Variants in TMEM127 observed in about 807,000 individuals in gnomAD.
TMEM127 encodes the protein transmembrane protein 127.
A neutral mutation model predicts 20.1 loss-of-function variants in TMEM127; 21 were observed. The ratio of observed to expected loss-of-function variants is 1.04; its 90% CI spans 0.74 to 1.50. The LOEUF (loss-of-function observed/expected upper bound fraction) is 1.50, where lower values mean the gene tolerates loss of function less well. TMEM127 is among the 40% of genes most tolerant of loss of function. The pLI is 0.00. For missense variants in TMEM127, 303 were observed against 317.4 expected (o/e 0.95, Z 0.34); for synonymous variants, 150 against 144.7 (o/e 1.04, Z -0.26).
At position 96,250,530 on chromosome 2, in the gene TMEM127, G is replaced by C. The variant is rs1363564692; in HGVS notation, c.*3278C>G. On this transcript the variant is annotated 3_prime_UTR_variant, in exon 4 of 4. Transcript: ENST00000258439. ...CACTGTATATTTCATGGTGCCTAAT[G>C]GTGCTTTGTCTGAATGGACATGAAA... is the stretch of plus-strand genomic sequence containing the variant. The C allele has an allele frequency of 4.3e-6, 1 of 232,730 alleles. No individual in the cohort carries two copies. Among genetic ancestry groups the C allele is most frequent in the Non-Finnish European group, 8.5e-6 (1 of 117,806 alleles). The allele number at this position is 232,730 out of a possible 1,614,324, so 14.4% of individuals were successfully genotyped here. A position where few individuals can be genotyped will look rare whatever the true frequency, so the allele number is the denominator to read the frequency against.
In TMEM127 at chr2:96,251,610, G is replaced by A. The variant is rs889486086; in HGVS notation, c.*2198C>T. 1.1e-4 allele frequency: 25 copies of A among 232,796 alleles called. No homozygotes were observed. The highest frequency in any genetic ancestry group is 1.8e-4 in the South Asian group (1 of 5,514). The allele number at this position is 232,796 out of a possible 1,614,324, so 14.4% of individuals were successfully genotyped here. A position where few individuals can be genotyped will look rare whatever the true frequency, so the allele number is the denominator to read the frequency against. On this transcript the variant is annotated 3_prime_UTR_variant, in exon 4 of 4. Transcript: ENST00000258439. ...GGGAACAAACCAAATCAGGAAAATC[G>A]TGACAGAAAAATGACAGGCAGCCAT...
At position 96,265,411 on chromosome 2, in the gene TMEM127, T is replaced by G; in HGVS notation, c.-30A>C. ...GGGGCCGCCCGCCGTCGCTCCGCAG[T>G]CGCTGCTGGTCGCCGCCGACCTCCG... On this transcript the variant is annotated 5_prime_UTR_variant, in exon 2 of 4. Transcript: ENST00000258439. 1 of 1,340,564 alleles carries G rather than the reference T, an allele frequency of 7.5e-7. No homozygotes were observed. Among genetic ancestry groups the G allele is most frequent in the Non-Finnish European group, 9.5e-7 (1 of 1,051,448 alleles). The allele number at this position is 1,340,564 out of a possible 1,614,324, so 83.0% of individuals were successfully genotyped here. A position where few individuals can be genotyped will look rare whatever the true frequency, so the allele number is the denominator to read the frequency against.
chr2:96,253,877 C>A lies in TMEM127; in HGVS notation c.648G>T (p.Glu216Asp), dbSNP rs1278734377. Residue 216 changes from glutamate to aspartate, a missense_variant, in exon 4 of 4, where the codon GAG becomes GAT. Glu to Asp is a conservative substitution (Grantham distance 45). Transcript: ENST00000258439. The surrounding 1 kb of genome is among the most constrained non-coding windows in gnomAD (Gnocchi z 4.3). The stretch of plus-strand genomic sequence containing the variant: ...CATATTCCGCCGGGTAGGGCTCGTT[C>A]TCTTCCATCTCTGAGAGCAGCTCCA... ...QALELLSEME[E>D]NEPYPAEYEV... 1 of 1,614,142 alleles carries A rather than the reference C, an allele frequency of 6.2e-7. No individual in the cohort carries two copies. Among genetic ancestry groups the A allele is most frequent in the East Asian group, 2.2e-5 (1 of 44,864 alleles).
At chr2:96,259,129 G>A (rs1353310655) in intron 2 of TMEM127, among the ~76,000 whole-genome samples, 2 of 152,184 alleles carry the variant, frequency 1.3e-5, no homozygotes, top group South Asian at 2.1e-4. Flanking sequence ...CTCCCCTTGC[G>A]GATGTCCACC....
chr2:96,264,767 C>T (rs1684379475), intron 2 of TMEM127, among the ~76,000 whole-genome samples: 1 of 152,204 alleles, frequency 6.6e-6, no homozygotes, highest in African/African-American at 2.4e-5. Context: ...ATTAAAAGTT[C>T]CTTTTTCTCC....
At chr2:96,262,404 C>T (rs368657111) in intron 2 of TMEM127, among the ~76,000 whole-genome samples, 42 of 152,114 alleles carry the variant, frequency 2.8e-4, no homozygotes, top group African/African-American at 9.7e-4. Context: ...CAGGATACTA[C>T]ATGTCTGAAG....
In TMEM127 at chr2:96,265,324, C is replaced by T. The variant is rs1343615968; in HGVS notation, c.58G>A (p.Gly20Ser). The T allele has an allele frequency of 6.6e-7, 1 of 1,523,884 alleles. No homozygotes were observed. Among genetic ancestry groups the T allele is most frequent in the African/African-American group, 1.4e-5 (1 of 72,160 alleles). 94.4% of individuals were successfully genotyped at this position (1,523,884 alleles called of 1,614,324 possible). A position where few individuals can be genotyped will look rare whatever the true frequency, so the allele number is the denominator to read the frequency against. ...TCCGGCTGCTTGGGCAGAGCGCTGC[C>T]TCCCGGGCTCCTCCGCCGGCGCCCG... is the stretch of plus-strand genomic sequence containing the variant. ...PGGRRRRSPG[G>S]SALPKQPERS... The change falls in exon 2 of 4, where the codon GGC becomes AGC. Residue 20 changes from glycine to serine, a missense_variant. By Grantham distance (56) the Gly-to-Ser change is moderately conservative. Coordinates refer to ENST00000258439, the MANE Select transcript of TMEM127 (RefSeq NM_017849.4).
rs1684043956 is a variant in TMEM127 at position 96,249,485 on chromosome 2, G to A, written c.*4323C>T. On this transcript the variant is annotated 3_prime_UTR_variant, in exon 4 of 4. Transcript: ENST00000258439. ...TCAAAACGACATTTTCAGGCTTGGT[G>A]CAGTGGCTCAAGCCTGTAATCCCAA... 1 of 226,144 alleles carries A rather than the reference G, an allele frequency of 4.4e-6. No individual in the cohort carries two copies. Among genetic ancestry groups the A allele is most frequent in the Non-Finnish European group, 8.8e-6 (1 of 113,686 alleles). 14.0% of individuals were successfully genotyped at this position (226,144 alleles called of 1,614,324 possible). A position where few individuals can be genotyped will look rare whatever the true frequency, so the allele number is the denominator to read the frequency against.
rs566463841 is a variant in TMEM127, at chr2:96,255,118, C to T, written c.245-121G>A. 360 of 1,396,004 alleles carry T rather than the reference C, an allele frequency of 2.6e-4. 1 individual carries two copies. Among genetic ancestry groups the T allele is most frequent in the Admixed American group, 2.2e-3 (113 of 50,982 alleles). 86.5% of individuals were successfully genotyped at this position (1,396,004 alleles called of 1,614,324 possible). ...TGGGAGCCAGGGCAGTTCTGGAGGA[C>T]GCTGTCTTAGCCCCTGCTCCTGGGT... On this transcript the variant is annotated intron_variant, in intron 2 of 3. Transcript: ENST00000258439.
At chr2:96,264,104 C>T (rs1050196206) in intron 2 of TMEM127, among the ~76,000 whole-genome samples, 1 of 152,212 alleles carries the variant, frequency 6.6e-6, no homozygotes, top group Non-Finnish European at 1.5e-5. Context: ...TAAGAGAACA[C>T]TCAGAGAAAG....
chr2:96,254,930 G>C lies in TMEM127; in HGVS notation c.312C>G (p.Ile104Met), dbSNP rs2104287512. 1.2e-6 allele frequency: 2 copies of C among 1,614,240 alleles called. No homozygotes were observed. The highest frequency in any genetic ancestry group is 8.5e-7 in the Non-Finnish European group (1 of 1,180,042). Reference sequence around the variant, plus strand: ...GAAGGAAAGCGGAGAGACTACACAGGATGCCCAGGAAACAGAAGGCGGCGA... The same window carrying C: ...GAAGGAAAGCGGAGAGACTACACAGCATGCCCAGGAAACAGAAGGCGGCGA... ...RVIAAFCFLGILCSLSAFLLD... is the reference protein window; with the variant it reads ...RVIAAFCFLGMLCSLSAFLLD... The change falls in exon 3 of 4, where the codon ATC (isoleucine) becomes ATG (methionine). Residue 104 changes from isoleucine to methionine, a missense_variant. Transcript: ENST00000258439.
At position 96,253,967 on chromosome 2, in the gene TMEM127, G is replaced by A; in HGVS notation, c.558C>T (p.Ala186=). 6.2e-7 allele frequency: 1 copy of A among 1,614,150 alleles called. No homozygotes were observed. Among genetic ancestry groups the A allele is most frequent in the Non-Finnish European group, 8.5e-7 (1 of 1,180,024 alleles). ...GGTTGGCTGCCGTGGCCAGGATTGA[G>A]GCTCCACCAGCTCCTGCCACCAGGT... The part of the protein sequence containing the change: ...SFYLVAGAGG[A]SILATAANLL... Residue 186 remains alanine (A), a synonymous_variant, in exon 4 of 4, where the codon GCC becomes GCT. Transcript: ENST00000258439. This position sits in a 1 kb window ranked among gnomAD's most constrained non-coding sequence, Gnocchi z 4.3.
chr2:96,265,618 A>G, intron 1 of TMEM127, 106 bp from the exon 2 acceptor site: 2 of 421,100 alleles, frequency 4.7e-6, no homozygotes, highest in Non-Finnish European at 3.9e-6. Context: ...CCGGAATGGG[A>G]CTGCGGGACG....
chr2:96,263,553 T>C (rs1164101924), intron 2 of TMEM127, among the ~76,000 whole-genome samples: 2 of 152,170 alleles, frequency 1.3e-5, no homozygotes, highest in South Asian at 2.1e-4. Flanking sequence ...ATTTTTAACA[T>C]GCCTTCGACA....
At chr2:96,264,569 T>C (rs1684375106) in intron 2 of TMEM127, among the ~76,000 whole-genome samples, 1 of 152,196 alleles carries the variant, frequency 6.6e-6, no homozygotes, top group South Asian at 2.1e-4. Flanking sequence ...GAAAGCATGA[T>C]GATGAACAAA....
chr2:96,250,345 G>A lies in TMEM127; in HGVS notation c.*3463C>T, dbSNP rs1005854205. 3.4e-5 allele frequency: 8 copies of A among 232,640 alleles called. No homozygotes were observed. The highest frequency in any genetic ancestry group is 1.3e-4 in the African/African-American group (6 of 45,278). The allele number at this position is 232,640 out of a possible 1,614,324, so 14.4% of individuals were successfully genotyped here. ...CCACATCAAGTGTGGCTCAAGCTGCGTCCTCCAGGAAGCCTTTCATTATCA... is the reference window on the plus strand; with the variant it reads ...CCACATCAAGTGTGGCTCAAGCTGCATCCTCCAGGAAGCCTTTCATTATCA... On this transcript the variant is annotated 3_prime_UTR_variant, in exon 4 of 4. Transcript: ENST00000258439.
rs764079639 is a variant in TMEM127 at position 96,252,150 on chromosome 2, G to A, written c.*1658C>T. On this transcript the variant is annotated 3_prime_UTR_variant, in exon 4 of 4. Coordinates refer to ENST00000258439, the MANE Select transcript of TMEM127 (RefSeq NM_017849.4). This position sits in a 1 kb window ranked among gnomAD's most constrained non-coding sequence, Gnocchi z 4.2. ...ACTGCAAGCAGCCACTGGCTCGTGT[G>A]CAGATGTGGCCCTCACCACCCATGC... 3.9e-5 allele frequency: 9 copies of A among 233,296 alleles called. No individual in the cohort carries two copies. Among genetic ancestry groups the A allele is most frequent in the Non-Finnish European group, 6.8e-5 (8 of 118,128 alleles). The allele number at this position is 233,296 out of a possible 1,614,324, so 14.5% of individuals were successfully genotyped here.
At position 96,251,674 on chromosome 2, in the gene TMEM127, G is replaced by T. The variant is rs1320443235; in HGVS notation, c.*2134C>A. On this transcript the variant is annotated 3_prime_UTR_variant, in exon 4 of 4. Coordinates refer to ENST00000258439, the MANE Select transcript of TMEM127 (RefSeq NM_017849.4). ...CTTATTCGTGGTTTCTGGTTTTTTT[G>T]GTTTTGTTTTCCCTTTTAATTTTTT... 8.6e-6 allele frequency: 2 copies of T among 232,574 alleles called. No individual in the cohort carries two copies. The highest frequency in any genetic ancestry group is 2.2e-5 in the African/African-American group (1 of 45,190). 14.4% of individuals were successfully genotyped at this position (232,574 alleles called of 1,614,324 possible).
intron 2 of TMEM127, among the ~76,000 whole-genome samples, chr2:96,261,807 T>C (rs1290002983): frequency 6.6e-6 from 1 of 152,120 alleles, no homozygotes; most frequent in African/African-American, 2.4e-5. Context: ...ATAAAGATGC[T>C]GTTTAGGAGG....
Sources: allele counts gnomAD v4.1 joint callset (sites outside exome capture counted in the v4.1 genomes callset), GRCh38; gene constraint gnomAD v4.1.1; non-coding constraint Gnocchi (gnomAD v3.1); transcripts MANE v1.5; gene names NCBI Gene and HGNC (gene_info 2026-07-23, HGNC 2026-07-21).